Variants in TPO observed in about 807,000 individuals in gnomAD.
The protein encoded by TPO is thyroid microsomal antigen.
Under a neutral mutation model 96.9 loss-of-function variants are expected in TPO, and 78 were observed. The observed-to-expected ratio is 0.81, with a 90% confidence interval of 0.67 to 0.97. TPO has a LOEUF of 0.97. TPO is among the 50% of genes least tolerant of loss of function. The pLI, the probability that TPO is intolerant of heterozygous loss-of-function variation, is 0.00. For missense variants in TPO, 1,252 were observed against 1,274.8 expected (o/e 0.98, Z 0.27); for synonymous variants, 547 against 538.0 (o/e 1.02, Z -0.23).
intron 3 of TPO, among the ~76,000 whole-genome samples, chr2:1,430,452 A>G (rs1247528015): frequency 6.6e-6 from 1 of 152,222 alleles, no homozygotes; most frequent in Non-Finnish European, 1.5e-5. Flanking sequence ...GAATGACTCT[A>G]CTAGGGCCAT....
At chr2:1,375,501 G>A (rs578101029) in intron 1 of TPO, among the ~76,000 whole-genome samples, 1 of 152,088 alleles carries the variant, frequency 6.6e-6, no homozygotes, top group Non-Finnish European at 1.5e-5. Flanking sequence ...AGGAAAAAGA[G>A]GGAGGGCAGG....
At chr2:1,536,679 T>C in intron 15 of TPO, among the ~76,000 whole-genome samples, 1 of 56,540 alleles carries the variant, frequency 1.8e-5, no homozygotes, top group African/African-American at 7.5e-5. Flanking sequence ...CAGATCTCCT[T>C]TCTGTGCAAC....
chr2:1,504,168 C>G, intron 14 of TPO, 89 bp downstream of exon 14: 1 of 1,598,592 alleles, frequency 6.3e-7, no homozygotes, highest in South Asian at 1.1e-5. Flanking sequence ...AACTGTCAAT[C>G]ACCATCTTGA....
chr2:1,499,313 C>T (rs1672649408), intron 13 of TPO, among the ~76,000 whole-genome samples: 2 of 152,160 alleles, frequency 1.3e-5, no homozygotes, highest in Non-Finnish European at 2.9e-5. Context: ...GCTCCTTCAG[C>T]CTCCTGTAGA....
intron 7 of TPO, among the ~76,000 whole-genome samples, chr2:1,471,599 C>T (rs908908295): frequency 6.6e-6 from 1 of 152,204 alleles, no homozygotes; most frequent in Admixed American, 6.5e-5. Flanking sequence ...TCTCCCGACA[C>T]GAGTCTCTTC....
At chr2:1,451,802 A>ATT (rs28909397) in intron 5 of TPO, among the ~76,000 whole-genome samples, 3 of 152,072 alleles carry the variant, frequency 2.0e-5, no homozygotes, top group African/African-American at 7.2e-5. Flanking sequence ...AAAAATTTCT[A>ATT]TTTTTTTCTC....
At chr2:1,457,279 A>T (rs1202823017) in intron 7 of TPO, among the ~76,000 whole-genome samples, 2 of 70,958 alleles carry the variant, frequency 2.8e-5, no homozygotes, top group Non-Finnish European at 2.8e-5. Flanking sequence ...CATGTATGAT[A>T]GTGTGGGCAG....
intron 12 of TPO, 139 bp downstream of exon 12, chr2:1,496,336 C>G: frequency 9.4e-7 from 1 of 1,058,692 alleles, no homozygotes; most frequent in East Asian, 2.6e-5. Flanking sequence ...CTCAGGGCAG[C>G]TCCTGGGGCG....
rs186250636 is a variant in TPO, at chr2:1,439,978, T to G, written c.482+3594T>G. On this transcript the variant is annotated intron_variant, in intron 5 of 16. Transcript: ENST00000329066. ...TCCCCACACCCACTAAATTGCTAAGTTCCCCCCCAGCGGTCTCCTAAGCCG... is the reference window on the plus strand; with the variant it reads ...TCCCCACACCCACTAAATTGCTAAGGTCCCCCCCAGCGGTCTCCTAAGCCG... Among the ~76,000 whole-genome samples, 47 of 152,270 alleles carry G rather than the reference T, an allele frequency of 3.1e-4. 1 individual carries two copies. The South Asian group carries it at 9.1e-3, about 30-fold the overall frequency.
chr2:1,498,179 G>A (rs1248964493), intron 13 of TPO, among the ~76,000 whole-genome samples: 1 of 152,186 alleles, frequency 6.6e-6, no homozygotes, highest in Non-Finnish European at 1.5e-5. Context: ...GTTTCTCCTT[G>A]AAGGGTTGCA....
chr2:1,517,062 T>C, intron 15 of TPO, 80 bp downstream of exon 15: 2 of 1,462,180 alleles, frequency 1.4e-6, no homozygotes, highest in South Asian at 2.4e-5. Context: ...TGAAGCTGCT[T>C]TATTTTCCCG....
chr2:1,517,850 A>G (rs1674860983), intron 15 of TPO, among the ~76,000 whole-genome samples: 1 of 152,254 alleles, frequency 6.6e-6, no homozygotes, highest in Admixed American at 6.5e-5. Context: ...AAGTCATTGC[A>G]GGCCCAGGCT....
chr2:1,480,694 T>TGTCCACACCACCTTCCTCCTGCTGCATCC (rs1670480132), intron 8 of TPO, among the ~76,000 whole-genome samples: 3 of 76,014 alleles, frequency 3.9e-5, no homozygotes, highest in Non-Finnish European at 6.2e-5. Context: ...CTCCTCCATC[T>TGTCCACACCACCTTCCTCCTGCTGCATCC]GTCCACACCA....
chr2:1,470,293 C>CA (rs1669272823), intron 7 of TPO, among the ~76,000 whole-genome samples: 1 of 152,044 alleles, frequency 6.6e-6, no homozygotes, highest in African/African-American at 2.4e-5. Context: ...TACTTAGATC[C>CA]AAATAACTTT....
chr2:1,400,837 G>A (rs1662157008), intron 1 of TPO, among the ~76,000 whole-genome samples: 1 of 152,152 alleles, frequency 6.6e-6, no homozygotes, highest in South Asian at 2.1e-4. Flanking sequence ...AGCCAAAGGG[G>A]ATCTTTTTAA....
intron 3 of TPO, among the ~76,000 whole-genome samples, chr2:1,424,077 C>T (rs949559088): frequency 6.6e-6 from 1 of 152,150 alleles, no homozygotes; most frequent in Non-Finnish European, 1.5e-5. Flanking sequence ...GCACCTGTGA[C>T]GCAGTGTCAG....
Position 1,542,497 on chromosome 2 carries a change from A to G in TPO, c.*23A>G, listed in dbSNP as rs765675915. On this transcript the variant is annotated 3_prime_UTR_variant, in exon 17 of 17. Transcript: ENST00000329066. Reference sequence around the variant, plus strand: ...TGAGGGCAAAGTGGCAGGACACTGCAGAACAGCTTCATGTTCCCAAAATCA... The same window carrying G: ...TGAGGGCAAAGTGGCAGGACACTGCGGAACAGCTTCATGTTCCCAAAATCA... The G allele has an allele frequency of 2.0e-5, 32 of 1,613,902 alleles. No homozygotes were observed. Among genetic ancestry groups the G allele is most frequent in the East Asian group, 6.7e-5 (3 of 44,890 alleles).
intron 1 of TPO, among the ~76,000 whole-genome samples, chr2:1,376,991 T>G (rs1007055041): frequency 1.3e-5 from 2 of 152,108 alleles, no homozygotes; most frequent in African/African-American, 4.8e-5. Context: ...AAAGACAAAA[T>G]AGATAATATG....
chr2:1,462,504 G>A lies in TPO; in HGVS notation c.819+6222G>A, dbSNP rs77140918. ...GAAAATTACAAGAAAACCCAAATAC[G>A]TGTGTGTAGGTAAACACACACACAC... On this transcript the variant is annotated intron_variant, in intron 7 of 16. Transcript: ENST00000329066. Among the ~76,000 whole-genome samples, 948 of 142,068 alleles carry A rather than the reference G, an allele frequency of 6.7e-3. 8 individuals carry two copies. The highest frequency in any genetic ancestry group is 0.027 in the African/African-American group (902 of 33,838). The allele number at this position is 142,068 out of a possible 152,430, so 93.2% of individuals were successfully genotyped here.
Sources: gnomAD v4.1 joint callset for allele counts (sites outside exome capture counted in the v4.1 genomes callset) on GRCh38, gnomAD v4.1.1 for gene constraint, MANE v1.5 for transcripts, NCBI Gene and HGNC (gene_info 2026-07-23, HGNC 2026-07-21) for gene names.